The following DOCK7 variants were observed in gnomAD, a reference collection of about 807,000 sequenced individuals.
The protein encoded by DOCK7 is dedicator of cytokinesis 7.
In DOCK7, 138 loss-of-function variants were observed where a neutral mutation model predicts 271.0. The observed-to-expected ratio is 0.51, with a 90% CI of 0.44 to 0.59. DOCK7 has a LOEUF of 0.59. DOCK7 is among the 20% of genes least tolerant of loss of function. DOCK7 has a pLI of 0.00. For missense variants in DOCK7, 2,066 were observed against 2,592.4 expected, an observed-to-expected ratio of 0.80 and a Z score of 4.41; for synonymous variants, 823 against 876.1, an observed-to-expected ratio of 0.94 and a Z score of 1.07.
chr1:62,455,202 T>C lies in DOCK7; in HGVS notation c.*212A>G. On this transcript the variant is annotated 3_prime_UTR_variant, in exon 50 of 50. Transcript: ENST00000635253. ...TGTACCTTTGAGTCATTAAAATGTC[T>C]TAAAAGATAACAGCTTGTTACCAGA... 1.5e-6 allele frequency: 1 copy of C among 663,372 alleles called. No homozygotes were observed. Among genetic ancestry groups the C allele is most frequent in the South Asian group, 1.7e-5 (1 of 57,846 alleles). The allele number at this position is 663,372 out of a possible 1,614,324, so 41.1% of individuals were successfully genotyped here.
At chr1:62,475,591 G>A in intron 46 of DOCK7, 116 bp downstream of exon 46, 1 of 1,126,922 alleles carries the variant, frequency 8.9e-7, no homozygotes, top group Non-Finnish European at 1.3e-6. Context: ...AATGGGTAAA[G>A]TTCTAATATG....
rs755423135 is a variant in DOCK7 at position 62,604,732 on chromosome 1, C to T, written c.1682+13974G>A. On this transcript the variant is annotated intron_variant, in intron 14 of 49. Coordinates refer to ENST00000635253, the MANE Select transcript of DOCK7 (RefSeq NM_001367561.1). The stretch of plus-strand genomic sequence containing the variant: ...AAGCCAGAGAGGAGAAGAGGATTAT[C>T]TTGGAAGTCTCAAAATGGAAGGTTA... The T allele has an allele frequency of 9.3e-6, 15 of 1,613,142 alleles. No individual in the cohort carries two copies. Among genetic ancestry groups the T allele is most frequent in the Non-Finnish European group, 1.2e-5 (14 of 1,179,390 alleles).
intron 14 of DOCK7, chr1:62,604,838 C>T (rs753454044): frequency 1.2e-6 from 2 of 1,604,778 alleles, no homozygotes; most frequent in African/African-American, 1.4e-5. Flanking sequence ...ATTTAAAAGG[C>T]AATAATTTAA....
chr1:62,664,193 A>G (rs146952287), intron 1 of DOCK7, among the ~76,000 whole-genome samples: 2 of 152,310 alleles, frequency 1.3e-5, no homozygotes, highest in East Asian at 3.9e-4. Context: ...GGAAGAATGA[A>G]TAAGTAGAAA....
In DOCK7 at chr1:62,597,996, CAACT is replaced by C. The variant is rs398122987; in HGVS notation, c.1683-11376_1683-11373del. On this transcript the variant is annotated intron_variant, in intron 14 of 49. Coordinates refer to ENST00000635253, the MANE Select transcript of DOCK7 (RefSeq NM_001367561.1). ...ACAAAAAGTGAAATATTTAGAAGAG[CAACT>C]AACTAACTTAATTCAAAATCAACCT... The C allele has an allele frequency of 2.0e-4, 310 of 1,567,704 alleles. 1 individual carries two copies. Among genetic ancestry groups the C allele is most frequent in the Middle Eastern group, 1.4e-3 (8 of 5,810 alleles).
intron 18 of DOCK7, among the ~76,000 whole-genome samples, chr1:62,573,108 G>A (rs1646836781): frequency 6.6e-6 from 1 of 152,148 alleles, no homozygotes; most frequent in Admixed American, 6.6e-5. Flanking sequence ...ATGGAGGAGG[G>A]AAAGGTTGCA....
At chr1:62,670,284 G>A (rs181835401) in intron 1 of DOCK7, among the ~76,000 whole-genome samples, 59,454 of 152,152 alleles carry the variant, frequency 0.39, 12,505 homozygotes, top group African/African-American at 0.55. Context: ...AGCGCACGGC[G>A]CAGGACTGGC....
At chr1:62,506,833 GC>G (rs1437865738) in intron 35 of DOCK7, among the ~76,000 whole-genome samples, 1 of 149,282 alleles carries the variant, frequency 6.7e-6, no homozygotes, top group African/African-American at 2.5e-5. Flanking sequence ...TGTAATCCCA[GC>G]TACTTGGGAG....
intron 7 of DOCK7, chr1:62,641,378 C>T (rs1656004460): frequency 2.5e-6 from 1 of 399,434 alleles, no homozygotes; most frequent in Non-Finnish European, 4.9e-6. Flanking sequence ...AACCACAGTC[C>T]ACTTTTTGTC....
intron 29 of DOCK7, among the ~76,000 whole-genome samples, chr1:62,534,608 G>A (rs533585175): frequency 1.5e-4 from 23 of 152,118 alleles, no homozygotes; most frequent in African/African-American, 5.5e-4. Context: ...GTGACAGAGT[G>A]AGACCTATTC....
chr1:62,518,324 C>A (rs1185413541), intron 31 of DOCK7, among the ~76,000 whole-genome samples: 1 of 152,100 alleles, frequency 6.6e-6, no homozygotes, highest in East Asian at 1.9e-4. Context: ...GTAATCCCAG[C>A]ACTTTGGGAG....
In DOCK7 at chr1:62,513,610, A is replaced by G. The variant is rs764863064; in HGVS notation, c.4120-4T>C. The G allele has an allele frequency of 1.2e-6, 2 of 1,609,990 alleles. No homozygotes were observed. Among genetic ancestry groups the G allele is most frequent in the African/African-American group, 1.3e-5 (1 of 74,580 alleles). ...TTCGTTCAAACACTTTTTTCCCCTA[A>G]AATGTAAACATTAGAAGAGAAGAGG... On this transcript the variant is annotated splice_polypyrimidine_tract_variant and splice_region_variant and intron_variant, in intron 32 of 49. Coordinates refer to ENST00000635253, the MANE Select transcript of DOCK7 (RefSeq NM_001367561.1).
At chr1:62,617,216 T>C (rs556521373) in intron 14 of DOCK7, among the ~76,000 whole-genome samples, 43 of 151,904 alleles carry the variant, frequency 2.8e-4, no homozygotes, top group African/African-American at 9.9e-4. Context: ...AAATAATTGA[T>C]TGTTGATGTA....
intron 7 of DOCK7, among the ~76,000 whole-genome samples, chr1:62,642,195 G>A (rs746478435): frequency 2.0e-4 from 30 of 150,168 alleles, no homozygotes; most frequent in South Asian, 1.1e-3. Context: ...TGAAACCTCC[G>A]CCTCCTGGGT....
Position 62,688,310 on chromosome 1 carries a change from G to GGTGCGGACCGGCGGGCGC in DOCK7, c.-64_-47dup. 8.5e-7 allele frequency: 1 copy of GGTGCGGACCGGCGGGCGC among 1,178,702 alleles called. No individual in the cohort carries two copies. Among genetic ancestry groups the GGTGCGGACCGGCGGGCGC allele is most frequent in the Non-Finnish European group, 1.1e-6 (1 of 946,720 alleles). 73.0% of individuals were successfully genotyped at this position (1,178,702 alleles called of 1,614,324 possible). A position where few individuals can be genotyped will look rare whatever the true frequency, so the allele number is the denominator to read the frequency against. Reference sequence around the variant, plus strand: ...CGGCGGCGGCGGCTGCGGCGGGCCGGGTGCGGACCGGCGGGCGCGTGCCTC... The same window carrying GGTGCGGACCGGCGGGCGC: ...CGGCGGCGGCGGCTGCGGCGGGCCGGGTGCGGACCGGCGGGCGCGTGCGGACCGGCGGGCGCGTGCCTC... On this transcript the variant is annotated 5_prime_UTR_variant, in exon 1 of 50. Transcript: ENST00000635253.
chr1:62,594,048 A>C (rs1648858352), intron 14 of DOCK7, among the ~76,000 whole-genome samples: 1 of 152,140 alleles, frequency 6.6e-6, no homozygotes, highest in African/African-American at 2.4e-5. Context: ...AAATTTTTAT[A>C]TTGGTTCCTA....
At chr1:62,548,577 C>T (rs529958019) in intron 22 of DOCK7, among the ~76,000 whole-genome samples, 1 of 152,204 alleles carries the variant, frequency 6.6e-6, no homozygotes, top group South Asian at 2.1e-4. Context: ...TGCACCACCA[C>T]ACCCAGCTAA....
intron 48 of DOCK7, among the ~76,000 whole-genome samples, chr1:62,464,636 C>T (rs1263297936): frequency 1.3e-5 from 2 of 151,736 alleles, no homozygotes; most frequent in Non-Finnish European, 1.5e-5. Context: ...AAGCCGAGAT[C>T]GCGCCACTGC....
chr1:62,631,513 G>C, intron 10 of DOCK7, 108 bp from the exon 11 acceptor site: 1 of 990,542 alleles, frequency 1.0e-6, no homozygotes, highest in Non-Finnish European at 1.4e-6. Context: ...ATTCTCAGCA[G>C]AGATGAGAAA....
Sources: allele counts gnomAD v4.1 joint callset (sites outside exome capture counted in the v4.1 genomes callset), GRCh38; gene constraint gnomAD v4.1.1; transcripts MANE v1.5; gene names NCBI Gene and HGNC (gene_info 2026-07-23, HGNC 2026-07-21).